The following PPP2R3A variants were observed in gnomAD, a reference collection of about 807,000 sequenced individuals.
PPP2R3A encodes the protein protein phosphatase 2 regulatory subunit B''alpha.
In PPP2R3A, 80 loss-of-function variants were observed where a neutral mutation model predicts 106.9. The observed-to-expected ratio is 0.75, with a 90% CI of 0.62 to 0.90. The LOEUF is 0.90. Among genes scored for constraint, PPP2R3A ranks in the 40% least tolerant of loss-of-function variants. PPP2R3A has a pLI of 0.00. For missense variants in PPP2R3A, 1,386 were observed against 1,350.4 expected (o/e 1.03, Z -0.41); for synonymous variants, 483 against 468.3 (o/e 1.03, Z -0.41).
At chr3:136,130,298 G>GAT (rs1201490418) in intron 13 of PPP2R3A, among the ~76,000 whole-genome samples, 2 of 152,178 alleles carry the variant, frequency 1.3e-5, no homozygotes, top group African/African-American at 4.8e-5. Context: ...TCCTTAAGCT[G>GAT]ATAAGCAACT....
intron 4 of PPP2R3A, among the ~76,000 whole-genome samples, chr3:136,045,088 T>C (rs1386425664): frequency 6.6e-6 from 1 of 152,188 alleles, no homozygotes; most frequent in African/African-American, 2.4e-5. Flanking sequence ...CAGGGCTGTC[T>C]TTCCCACAGG....
chr3:135,966,160 T>G (rs1486560190), intron 1 of PPP2R3A, among the ~76,000 whole-genome samples: 8 of 152,084 alleles, frequency 5.3e-5, no homozygotes, highest in Non-Finnish European at 1.2e-4. Flanking sequence ...GGGGGCGGCC[T>G]GGGCCCTCCC....
chr3:136,145,485 G>GAA lies in PPP2R3A; in HGVS notation c.*320_*321dup, dbSNP rs1939082014. 1 of 160,246 alleles carries GAA rather than the reference G, an allele frequency of 6.2e-6. No individual in the cohort carries two copies. Among genetic ancestry groups the GAA allele is most frequent in the Non-Finnish European group, 1.4e-5 (1 of 73,328 alleles). 9.9% of individuals were successfully genotyped at this position (160,246 alleles called of 1,614,324 possible). A position where few individuals can be genotyped will look rare whatever the true frequency, so the allele number is the denominator to read the frequency against. On this transcript the variant is annotated 3_prime_UTR_variant, in exon 14 of 14. Coordinates refer to ENST00000264977, the MANE Select transcript of PPP2R3A (RefSeq NM_002718.5). ...AGCACGGTTCTCTACACAGGTGACT[G>GAA]AAGTTGCCTCTGTGTTGGCTGGCAT...
intron 13 of PPP2R3A, among the ~76,000 whole-genome samples, chr3:136,137,784 G>A (rs370220688): frequency 3.9e-5 from 6 of 151,930 alleles, no homozygotes; most frequent in African/African-American, 9.6e-5. Context: ...CTCGTGATCC[G>A]CCCACCTGGG....
chr3:136,132,454 C>T (rs1366400790), intron 13 of PPP2R3A, among the ~76,000 whole-genome samples: 1 of 151,848 alleles, frequency 6.6e-6, no homozygotes, highest in Non-Finnish European at 1.5e-5. Context: ...ATCAGTAGTA[C>T]AGTATTTCTA....
intron 1 of PPP2R3A, among the ~76,000 whole-genome samples, chr3:135,990,681 C>T (rs984429400): frequency 2.3e-4 from 35 of 152,090 alleles, no homozygotes; most frequent in African/African-American, 7.7e-4. Context: ...CGTTAGATCC[C>T]GCTCACAGTT....
chr3:136,102,638 T>C (rs1024880467), intron 11 of PPP2R3A, among the ~76,000 whole-genome samples: 3 of 152,154 alleles, frequency 2.0e-5, no homozygotes, highest in African/African-American at 7.2e-5. Context: ...TGAGTCACCA[T>C]GCCCAGGCTT....
intron 13 of PPP2R3A, chr3:136,106,601 C>T (rs1429131742): frequency 2.6e-6 from 1 of 377,520 alleles, no homozygotes; most frequent in African/African-American, 2.2e-5. Flanking sequence ...ATTGATAAAC[C>T]CTGTACATAA....
intron 13 of PPP2R3A, among the ~76,000 whole-genome samples, chr3:136,141,411 G>C (rs1184009598): frequency 6.6e-6 from 1 of 152,112 alleles, no homozygotes; most frequent in Admixed American, 6.5e-5. Flanking sequence ...AGTCTAGCAG[G>C]GGCCAGATCA....
chr3:136,041,004 G>T (rs370800521), intron 4 of PPP2R3A, 42 bp downstream of exon 4: 43 of 1,534,160 alleles, frequency 2.8e-5, no homozygotes, highest in Non-Finnish European at 3.8e-5. Context: ...GCAAAGAATT[G>T]TGTGACCCTC....
At chr3:136,118,736 G>A (rs976760631) in intron 13 of PPP2R3A, among the ~76,000 whole-genome samples, 25 of 150,544 alleles carry the variant, frequency 1.7e-4, no homozygotes, top group African/African-American at 6.2e-4. Context: ...GACACAAATG[G>A]GAAAATATTC....
intron 1 of PPP2R3A, among the ~76,000 whole-genome samples, chr3:135,979,415 A>G (rs1206492607): frequency 3.3e-5 from 5 of 151,744 alleles, no homozygotes; most frequent in Admixed American, 3.3e-4. Flanking sequence ...AGGTTGAGAA[A>G]CATTGATCTG....
chr3:136,079,904 C>G (rs530542738), intron 7 of PPP2R3A, among the ~76,000 whole-genome samples: 1 of 152,096 alleles, frequency 6.6e-6, no homozygotes, highest in Non-Finnish European at 1.5e-5. Flanking sequence ...CTTCCCTGCC[C>G]CTTTCCTTAG....
intron 1 of PPP2R3A, among the ~76,000 whole-genome samples, chr3:135,970,684 T>C (rs1054499588): frequency 4.6e-5 from 7 of 152,204 alleles, no homozygotes; most frequent in African/African-American, 1.7e-4. Context: ...GGAAATTCCT[T>C]TGAGAAGCTT....
intron 10 of PPP2R3A, among the ~76,000 whole-genome samples, chr3:136,093,201 G>A (rs976769648): frequency 6.6e-6 from 1 of 152,164 alleles, no homozygotes. Context: ...CCAAGCTCAG[G>A]AATTCAATAC....
At chr3:135,986,510 T>A (rs980937328) in intron 1 of PPP2R3A, among the ~76,000 whole-genome samples, 1 of 152,180 alleles carries the variant, frequency 6.6e-6, no homozygotes, top group Non-Finnish European at 1.5e-5. Context: ...CTGGCTATTA[T>A]ACTAGATTTC....
At chr3:136,070,212 A>G (rs1287104884) in intron 5 of PPP2R3A, among the ~76,000 whole-genome samples, 4 of 152,240 alleles carry the variant, frequency 2.6e-5, no homozygotes, top group Admixed American at 2.6e-4. Flanking sequence ...ATTACAGTAC[A>G]TACCTCGGAG....
At position 136,040,960 on chromosome 3, in the gene PPP2R3A, A is replaced by G; in HGVS notation, c.2364A>G (p.Arg788=). The part of the protein sequence containing the change: ...VTAQSFIAMW[R]KLLNNHHDDA... The stretch of plus-strand genomic sequence containing the variant: ...CACAGTCATTCATTGCCATGTGGAG[A>G]AAGTAAGTATGTGAGCAGTCTCTCT... Residue 788 remains arginine, a splice_region_variant and synonymous_variant, in exon 4 of 14, where the codon AGA becomes AGG. Transcript: ENST00000264977. 2 of 1,612,568 alleles carry G rather than the reference A, an allele frequency of 1.2e-6. No individual in the cohort carries two copies. The highest frequency in any genetic ancestry group is 3.3e-5 in the Admixed American group (2 of 59,926).
At chr3:136,113,508 G>C (rs997384863) in intron 13 of PPP2R3A, among the ~76,000 whole-genome samples, 2 of 152,026 alleles carry the variant, frequency 1.3e-5, no homozygotes, top group Admixed American at 1.3e-4. Context: ...TAAATGTAAG[G>C]CTGGCCATGG....
Sources: gnomAD v4.1 joint callset for allele counts (sites outside exome capture counted in the v4.1 genomes callset) on GRCh38, gnomAD v4.1.1 for gene constraint, MANE v1.5 for transcripts, NCBI Gene and HGNC (gene_info 2026-07-23, HGNC 2026-07-21) for gene names.